The following PGAP2 variants were observed in gnomAD, a reference collection of about 807,000 sequenced individuals.
The protein encoded by PGAP2 is acyltransferase PGAP2.
A neutral mutation model predicts 33.2 loss-of-function variants in PGAP2; 21 were observed. The ratio of observed to expected loss-of-function variants is 0.63; its 90% CI spans 0.45 to 0.91. The LOEUF is 0.91. Among genes scored for constraint, PGAP2 ranks in the 40% least tolerant of loss-of-function variants. The pLI is 0.00. For synonymous variants in PGAP2, 161 were observed against 172.9 expected, an observed-to-expected ratio of 0.93 and a Z score of 0.54; for missense variants, 345 against 424.0, an observed-to-expected ratio of 0.81 and a Z score of 1.64.
intron 1 of PGAP2, among the ~76,000 whole-genome samples, chr11:3,808,867 G>A (rs575554915): frequency 6.6e-6 from 1 of 152,332 alleles, no homozygotes; most frequent in South Asian, 2.1e-4. Flanking sequence ...GGTGTGCAGG[G>A]GTTGAGCTCT....
chr11:3,797,937 C>A (rs1443174303), exon 1 of PGAP2: 2 of 1,548,452 alleles, frequency 1.3e-6, no homozygotes, highest in Non-Finnish European at 1.7e-6. Context: ...GCGACTCGGG[C>A]TGAGGGAGCT....
chr11:3,801,037 G>A (rs1445580117), intron 1 of PGAP2, among the ~76,000 whole-genome samples: 3 of 151,834 alleles, frequency 2.0e-5, no homozygotes, highest in Non-Finnish European at 4.4e-5. Flanking sequence ...GGGAGGCTGA[G>A]GCAGGAGAAT....
upstream of PGAP2, among the ~76,000 whole-genome samples, chr11:3,806,774 C>T (rs1226926059): frequency 6.6e-6 from 1 of 152,114 alleles, no homozygotes; most frequent in African/African-American, 2.4e-5. Flanking sequence ...GTAATCCCAG[C>T]ACTTTGGGAG....
intron 1 of PGAP2, among the ~76,000 whole-genome samples, chr11:3,801,363 C>G (rs949456512): frequency 1.3e-5 from 2 of 152,138 alleles, no homozygotes; most frequent in East Asian, 1.9e-4. Context: ...TGTATCCCAG[C>G]CGGGCATGGT....
At chr11:3,825,201 A>G in intron 6 of PGAP2, 73 bp downstream of exon 6, 1 of 1,569,874 alleles carries the variant, frequency 6.4e-7, no homozygotes, top group East Asian at 2.2e-5. Context: ...GATAATGGGC[A>G]ATGGTCTTGG....
chr11:3,797,857 G>T, exon 1 of PGAP2: 1 of 1,550,602 alleles, frequency 6.4e-7, no homozygotes, highest in African/African-American at 1.4e-5. Context: ...GCTAGATTGG[G>T]AAGCACCGGC....
intron 3 of PGAP2, among the ~76,000 whole-genome samples, chr11:3,819,150 G>C (rs1190003393): frequency 2.0e-5 from 3 of 152,154 alleles, no homozygotes; most frequent in Non-Finnish European, 2.9e-5. Flanking sequence ...CTGGGCTCAG[G>C]TGATTCCTCG....
At chr11:3,817,830 C>T (rs1316356077) in intron 3 of PGAP2, 9 of 550,578 alleles carry the variant, frequency 1.6e-5, no homozygotes, top group Non-Finnish European at 3.1e-5. Flanking sequence ...GTGGATCACT[C>T]GAGTTCAGTT....
chr11:3,799,874 G>A (rs983233963), intron 1 of PGAP2, among the ~76,000 whole-genome samples: 3 of 152,156 alleles, frequency 2.0e-5, no homozygotes, highest in African/African-American at 7.2e-5. Context: ...GGCTGAAGTA[G>A]GAGGATCGTT....
At chr11:3,801,248 A>C (rs987246498) in intron 1 of PGAP2, among the ~76,000 whole-genome samples, 1 of 152,204 alleles carries the variant, frequency 6.6e-6, no homozygotes, top group Admixed American at 6.5e-5. Context: ...TTTGCCTTAC[A>C]GGGTCGTAGT....
At position 3,825,204 on chromosome 11, in the gene PGAP2, G is replaced by C. The variant is rs566989097; in HGVS notation, c.817+76G>C. 1.2e-5 allele frequency: 18 copies of C among 1,561,894 alleles called. No homozygotes were observed. In the Admixed American group the frequency reaches 1.8e-4, roughly 16 times the overall value. The stretch of plus-strand genomic sequence containing the variant: ...AATGATGTTTTTGATAATGGGCAAT[G>C]GTCTTGGGGACTGGCTGCCATTGTG... On this transcript the variant is annotated intron_variant, in intron 6 of 6. Transcript: ENST00000278243.
upstream of PGAP2, among the ~76,000 whole-genome samples, chr11:3,807,374 C>G (rs1460196837): frequency 2.1e-5 from 3 of 142,602 alleles, no homozygotes; most frequent in East Asian, 6.6e-4. Flanking sequence ...GTGGTACGAT[C>G]TCAGCTCACT....
upstream of PGAP2, among the ~76,000 whole-genome samples, chr11:3,807,095 G>A (rs150356730): frequency 0.025 from 3,825 of 151,482 alleles, 167 homozygotes; most frequent in African/African-American, 0.087. Flanking sequence ...CAGCTCTTTG[G>A]GAAGCCAAGG....
At chr11:3,801,972 A>C (rs904310273) in intron 1 of PGAP2, among the ~76,000 whole-genome samples, 20 of 151,982 alleles carry the variant, frequency 1.3e-4, no homozygotes, top group Non-Finnish European at 2.5e-4. Context: ...ATAAATAAAT[A>C]AATAAAAATG....
intron 2 of PGAP2, among the ~76,000 whole-genome samples, chr11:3,813,602 C>A (rs893171299): frequency 6.6e-6 from 1 of 152,112 alleles, no homozygotes; most frequent in Non-Finnish European, 1.5e-5. Context: ...CCAGGCTGGT[C>A]TTGAACTCCT....
At chr11:3,817,132 G>C (rs7121408) in intron 2 of PGAP2, among the ~76,000 whole-genome samples, 1 of 152,068 alleles carries the variant, frequency 6.6e-6, no homozygotes, top group African/African-American at 2.4e-5. Context: ...CACTGTGCCA[G>C]GGGGATTCCT....
At chr11:3,808,475 C>T (rs2084860389), upstream of PGAP2, 3 of 1,448,898 alleles carry the variant, frequency 2.1e-6, no homozygotes, top group East Asian at 2.7e-5. Context: ...GTCGGGGTCT[C>T]CAGAAGCGGG....
At chr11:3,808,208 T>C, upstream of PGAP2, 3 of 1,508,978 alleles carry the variant, frequency 2.0e-6, no homozygotes, top group Non-Finnish European at 2.7e-6. Flanking sequence ...GATAGTTCGG[T>C]TAGAATGGAG....
chr11:3,800,838 T>G (rs1374717883), intron 1 of PGAP2, among the ~76,000 whole-genome samples: 2 of 147,546 alleles, frequency 1.4e-5, no homozygotes, highest in Admixed American at 6.8e-5. Context: ...AAAAGAAATT[T>G]AGGCAAATTT....
Sources: allele counts gnomAD v4.1 joint callset (sites outside exome capture counted in the v4.1 genomes callset), GRCh38; gene constraint gnomAD v4.1.1; transcripts MANE v1.5; gene names NCBI Gene and HGNC (gene_info 2026-07-23, HGNC 2026-07-21).